ARHGEF1: variants seen among roughly 807,000 people sequenced by gnomAD.
The protein encoded by ARHGEF1 is 115 kDa guanine nucleotide exchange factor.
In ARHGEF1, 40 loss-of-function variants were observed where a neutral mutation model predicts 119.7. That is an observed-to-expected ratio of 0.33 (90% CI 0.26 to 0.44). The LOEUF is 0.44. Ranked by LOEUF, ARHGEF1 falls within the 20% of genes least tolerant of loss-of-function variation. ARHGEF1 has a pLI of 1.00. For missense variants in ARHGEF1, 976 were observed against 1,268.3 expected (o/e 0.77, Z 3.50); for synonymous variants, 494 against 521.0 (o/e 0.95, Z 0.71).
At chr19:41,898,628 A>G (rs1555848485) in intron 14 of ARHGEF1, 41 bp downstream of exon 14, 5 of 1,550,152 alleles carry the variant, frequency 3.2e-6, no homozygotes. Context: ...CCAAGGACAC[A>G]GTCCAGCTCT....
upstream of ARHGEF1, among the ~76,000 whole-genome samples, chr19:41,921,847 C>T (rs149838076): frequency 5.2e-3 from 788 of 151,938 alleles, 8 homozygotes; most frequent in African/African-American, 0.018. This position sits in a 1 kb window ranked among gnomAD's most constrained non-coding sequence, Gnocchi z 4.4. Flanking sequence ...CCTGGGAGTC[C>T]GACCCATCCC....
Position 41,914,852 on chromosome 19 carries a change from C to G in ARHGEF1, c.1865+8049C>G, listed in dbSNP as rs1328473095. ...CCCCTTTCCACCGTCTCTGTCTCTC[C>G]CCCCCTCCACCATCTCTGTCTCTCC... On this transcript the variant is annotated intron_variant, in intron 18 of 20. Coordinates refer to the ARHGEF1 transcript ENST00000599589. Among the ~76,000 whole-genome samples, 7 of 9,840 alleles carry G rather than the reference C, an allele frequency of 7.1e-4. 3 individuals carry two copies. In the African/African-American group the frequency reaches 0.01, roughly 15 times the overall value. The allele number at this position is 9,840 out of a possible 152,430, so 6.5% of individuals were successfully genotyped here. A position where few individuals can be genotyped will look rare whatever the true frequency, so the allele number is the denominator to read the frequency against.
rs1173422539 is a variant in ARHGEF1 at position 41,916,742 on chromosome 19, C to G, written c.1866-6350C>G. Among the ~76,000 whole-genome samples, 6 of 151,988 alleles carry G rather than the reference C, an allele frequency of 3.9e-5. No individual in the cohort carries two copies. The highest frequency in any genetic ancestry group is 1.5e-4 in the African/African-American group (6 of 41,346). Reference sequence around the variant, plus strand: ...AGCCGTAGAGATACACACACCAGCACCAACCCAGACAGCCAACGCACACGG... The same window carrying G: ...AGCCGTAGAGATACACACACCAGCAGCAACCCAGACAGCCAACGCACACGG... On this transcript the variant is annotated intron_variant, in intron 18 of 20. Coordinates refer to the ARHGEF1 transcript ENST00000599589. The surrounding 1 kb of genome is among the most constrained non-coding windows in gnomAD (Gnocchi z 5.4).
At position 41,888,622 on chromosome 19, in the gene ARHGEF1, T is replaced by C. The variant is rs1158459283; in HGVS notation, c.112-130T>C. ...GCTGTCACCATCATTTTTTGGACAC[T>C]GTCACCACTCCCCACTTCCCAGGAG... On this transcript the variant is annotated intron_variant, in intron 3 of 28. Transcript: ENST00000354532. The surrounding 1 kb of genome is among the most constrained non-coding windows in gnomAD (Gnocchi z 5.1). 1 of 791,494 alleles carries C rather than the reference T, an allele frequency of 1.3e-6. No homozygotes were observed. The highest frequency in any genetic ancestry group is 2.1e-6 in the Non-Finnish European group (1 of 482,756). 49.0% of individuals were successfully genotyped at this position (791,494 alleles called of 1,614,324 possible).
In ARHGEF1 at chr19:41,906,671, G is replaced by A. The variant is rs782494959; in HGVS notation, c.2656-32G>A. ...CCTGAGTGGGCTGGGGAAGGAAGGG[G>A]CCCCCCTCATCCATGACCCCCACCC... On this transcript the variant is annotated intron_variant, in intron 27 of 28. Coordinates refer to ENST00000354532, the MANE Select transcript of ARHGEF1 (RefSeq NM_004706.4). The surrounding 1 kb of genome is among the most constrained non-coding windows in gnomAD (Gnocchi z 4.5). 1.9e-6 allele frequency: 3 copies of A among 1,599,058 alleles called. No individual in the cohort carries two copies. The highest frequency in any genetic ancestry group is 2.6e-6 in the Non-Finnish European group (3 of 1,175,112).
downstream of ARHGEF1, chr19:41,909,886 G>T: frequency 6.2e-7 from 1 of 1,613,000 alleles, no homozygotes. The surrounding 1 kb of genome is among the most constrained non-coding windows in gnomAD (Gnocchi z 5.2). Context: ...TCAGCTTGTC[G>T]TAATTCATGT....
At chr19:41,922,052 GA>G (rs1251323593), upstream of ARHGEF1, among the ~76,000 whole-genome samples, 1 of 151,736 alleles carries the variant, frequency 6.6e-6, no homozygotes, top group Non-Finnish European at 1.5e-5. Context: ...CAGAGTGACA[GA>G]AGGCAGGGAA....
Position 41,904,475 on chromosome 19 carries a change from A to G in ARHGEF1, c.2161+92A>G. ...GGGGAGCAGAACCCTCTAGAGAGCC[A>G]GGGAGCCAGCATTCTAGCAAAGAGG... On this transcript the variant is annotated intron_variant, in intron 22 of 28. Coordinates refer to ENST00000354532, the MANE Select transcript of ARHGEF1 (RefSeq NM_004706.4). The surrounding 1 kb of genome is among the most constrained non-coding windows in gnomAD (Gnocchi z 8.4). 1 of 1,391,462 alleles carries G rather than the reference A, an allele frequency of 7.2e-7. No homozygotes were observed. Among genetic ancestry groups the G allele is most frequent in the Middle Eastern group, 2.6e-4 (1 of 3,912 alleles). 86.2% of individuals were successfully genotyped at this position (1,391,462 alleles called of 1,614,324 possible).
chr19:41,927,377 C>T (rs990372290), intron 1 of ARHGEF1, among the ~76,000 whole-genome samples: 3 of 152,126 alleles, frequency 2.0e-5, no homozygotes, highest in Non-Finnish European at 4.4e-5. Flanking sequence ...ACCCCTCATA[C>T]CAAATATCCA....
chr19:41,901,861 T>A (rs1555849061), intron 14 of ARHGEF1, 26 bp from the exon 15 acceptor site: 4 of 1,603,752 alleles, frequency 2.5e-6, no homozygotes, highest in Non-Finnish European at 3.4e-6. Context: ...CTCCCCAACA[T>A]GCTTCCTGCT....
Position 41,903,833 on chromosome 19 carries a change from G to T in ARHGEF1, c.1917+49G>T. 1 of 1,591,816 alleles carries T rather than the reference G, an allele frequency of 6.3e-7. No individual in the cohort carries two copies. Among genetic ancestry groups the T allele is most frequent in the Non-Finnish European group, 8.6e-7 (1 of 1,163,016 alleles). The stretch of plus-strand genomic sequence containing the variant: ...CCCCGCCCCCCTACTCCTTGGCCCA[G>T]GGGATTCTGTGATACAGCCCCCAGC... On this transcript the variant is annotated intron_variant, in intron 20 of 28. Transcript: ENST00000354532. This position sits in a 1 kb window ranked among gnomAD's most constrained non-coding sequence, Gnocchi z 4.2.
At chr19:41,915,858 G>T (rs1410750578) in intron 18 of ARHGEF1, among the ~76,000 whole-genome samples, 1 of 152,184 alleles carries the variant, frequency 6.6e-6, no homozygotes, top group Non-Finnish European at 1.5e-5. Flanking sequence ...AACAGGGCCT[G>T]GCAGGACGGC....
chr19:41,890,906 G>A (rs1259833735), intron 4 of ARHGEF1: 1 of 152,344 alleles, frequency 6.6e-6, no homozygotes, highest in African/African-American at 2.4e-5. Flanking sequence ...CTGGGTGACA[G>A]AGCGAGACTC....
chr19:41,926,794 C>A (rs1470048030), intron 1 of ARHGEF1, among the ~76,000 whole-genome samples: 2 of 152,156 alleles, frequency 1.3e-5, no homozygotes, highest in Non-Finnish European at 2.9e-5. Context: ...AGCGACCGAT[C>A]GATTCGCTAT....
At chr19:41,911,111 C>T (rs2074749075), downstream of ARHGEF1, among the ~76,000 whole-genome samples, 1 of 152,168 alleles carries the variant, frequency 6.6e-6, no homozygotes, top group Non-Finnish European at 1.5e-5. Flanking sequence ...ACTTCCCAAA[C>T]CTGCACACAG....
chr19:41,912,713 T>C (rs1473801254), intron 18 of ARHGEF1: 1 of 400,142 alleles, frequency 2.5e-6, no homozygotes, highest in Non-Finnish European at 4.4e-6. Context: ...GGGGTTTGAT[T>C]TGGGGGACTG....
Position 41,901,903 on chromosome 19 carries a change from G to A in ARHGEF1, c.1284G>A (p.Glu428=). 6 of 1,611,120 alleles carry A rather than the reference G, an allele frequency of 3.7e-6. No individual in the cohort carries two copies. Among genetic ancestry groups the A allele is most frequent in the Non-Finnish European group, 5.1e-6 (6 of 1,180,012 alleles). Residue 428 remains glutamate, a synonymous_variant, in exon 15 of 29, where the codon GAG becomes GAA. Coordinates refer to ENST00000354532, the MANE Select transcript of ARHGEF1 (RefSeq NM_004706.4). ...GCCCTGCAGAGCTGCTGGTGACAGA[G>A]GCGGCCCACGTGCGCATGCTGCGGG... ...QEVISELLVT[E]AAHVRMLRVL... is the part of the protein sequence containing the mutation.
intron 1 of ARHGEF1, among the ~76,000 whole-genome samples, chr19:41,924,537 G>A (rs1295906979): frequency 2.6e-5 from 4 of 152,028 alleles, no homozygotes; most frequent in African/African-American, 4.8e-5. Context: ...CCTCATTCTC[G>A]TTGTCGCCAT....
upstream of ARHGEF1, among the ~76,000 whole-genome samples, chr19:41,921,668 C>T (rs1326834516): frequency 2.0e-5 from 3 of 151,978 alleles, no homozygotes; most frequent in Admixed American, 1.3e-4. The surrounding 1 kb of genome is among the most constrained non-coding windows in gnomAD (Gnocchi z 4.4). Context: ...GGCAGAGATG[C>T]GGAAAATTGA....
Sources: allele counts gnomAD v4.1 joint callset (sites outside exome capture counted in the v4.1 genomes callset), GRCh38; gene constraint gnomAD v4.1.1; non-coding constraint Gnocchi (gnomAD v3.1); transcripts MANE v1.5; gene names NCBI Gene and HGNC (gene_info 2026-07-23, HGNC 2026-07-21).